The following KCNIP4 variants were observed in gnomAD, a reference collection of about 807,000 sequenced individuals.
KCNIP4 encodes the protein Kv channel-interacting protein 4.
KCNIP4 carries 12 observed loss-of-function variants against 34.0 expected under a neutral mutation model. The observed-to-expected ratio is 0.35, with a 90% CI of 0.23 to 0.57. The LOEUF (loss-of-function observed/expected upper bound fraction) is 0.57, where lower values mean the gene tolerates loss of function less well. KCNIP4 is among the 20% of genes least tolerant of loss of function. The pLI, the probability that KCNIP4 is intolerant of heterozygous loss-of-function variation, is 0.83. For missense variants in KCNIP4, 238 were observed against 311.7 expected, an observed-to-expected ratio of 0.76 and a Z score of 1.78; for synonymous variants, 124 against 102.2, an observed-to-expected ratio of 1.21 and a Z score of -1.29.
intron 1 of KCNIP4, among the ~76,000 whole-genome samples, chr4:21,147,423 T>G (rs1348171584): frequency 1.3e-5 from 2 of 152,192 alleles, no homozygotes; most frequent in South Asian, 2.1e-4. Context: ...ATTTGTGTGA[T>G]CCGTATCTTC....
chr4:21,234,743 G>A (rs1759222236), intron 1 of KCNIP4, among the ~76,000 whole-genome samples: 1 of 151,186 alleles, frequency 6.6e-6, no homozygotes, highest in African/African-American at 2.4e-5. Flanking sequence ...TGCCTCCTGG[G>A]TTCAAGAGAT....
intron 1 of KCNIP4, among the ~76,000 whole-genome samples, chr4:21,904,974 A>G (rs913441298): frequency 2.0e-5 from 3 of 152,164 alleles, no homozygotes; most frequent in African/African-American, 4.8e-5. Flanking sequence ...TTTTCAATAG[A>G]TGTTAGTGAT....
intron 1 of KCNIP4, among the ~76,000 whole-genome samples, chr4:21,416,601 G>A (rs1560384174): frequency 6.6e-6 from 1 of 152,160 alleles, no homozygotes; most frequent in South Asian, 2.1e-4. Flanking sequence ...AGACAGGAAC[G>A]AAAGGAAAAT....
chr4:21,918,985 T>C (rs957891613), intron 1 of KCNIP4, among the ~76,000 whole-genome samples: 2 of 152,040 alleles, frequency 1.3e-5, no homozygotes, highest in African/African-American at 4.8e-5. Context: ...GTAGGGACCA[T>C]GGAGAAATAT....
intron 1 of KCNIP4, among the ~76,000 whole-genome samples, chr4:20,971,367 T>C (rs543792918): frequency 6.6e-6 from 1 of 152,264 alleles, no homozygotes; most frequent in Non-Finnish European, 1.5e-5. Context: ...AAAAGGACAA[T>C]CTATTAAAGA....
chr4:21,834,818 G>T (rs1241215785), intron 1 of KCNIP4, among the ~76,000 whole-genome samples: 15 of 152,132 alleles, frequency 9.9e-5, no homozygotes, highest in African/African-American at 3.1e-4. Flanking sequence ...GTTGAATTTT[G>T]TCAAAGGCCT....
At chr4:21,528,783 GA>G (rs1464890471) in intron 1 of KCNIP4, among the ~76,000 whole-genome samples, 1 of 18,338 alleles carries the variant, frequency 5.5e-5, no homozygotes, top group African/African-American at 2.1e-4. Flanking sequence ...AAGAAAGGAA[GA>G]AAGGAAGAAA....
At chr4:21,899,754 T>G (rs1019169795) in intron 1 of KCNIP4, among the ~76,000 whole-genome samples, 2 of 152,052 alleles carry the variant, frequency 1.3e-5, no homozygotes, top group African/African-American at 2.4e-5. Flanking sequence ...AACTCTACAC[T>G]GAAAACTACA....
At chr4:21,673,262 G>C (rs578038477) in intron 1 of KCNIP4, among the ~76,000 whole-genome samples, 2 of 152,044 alleles carry the variant, frequency 1.3e-5, no homozygotes, top group Non-Finnish European at 2.9e-5. Context: ...ACCCGCCTAC[G>C]GCCACAGTTA....
intron 3 of KCNIP4, among the ~76,000 whole-genome samples, chr4:20,788,219 C>T (rs987288163): frequency 2.6e-5 from 4 of 152,122 alleles, no homozygotes; most frequent in Admixed American, 6.6e-5. Context: ...GAACTCTAAA[C>T]TACAAGACAC....
chr4:21,051,799 A>T, intron 1 of KCNIP4, among the ~76,000 whole-genome samples: 1 of 152,212 alleles, frequency 6.6e-6, no homozygotes, highest in African/African-American at 2.4e-5. Flanking sequence ...GCTTCTGGTT[A>T]AATATCAATA....
chr4:21,309,061 T>G (rs1425945133), intron 1 of KCNIP4, among the ~76,000 whole-genome samples: 1 of 152,140 alleles, frequency 6.6e-6, no homozygotes, highest in African/African-American at 2.4e-5. Flanking sequence ...ATGAACCCAT[T>G]TCTGCTTTGA....
At chr4:21,070,019 C>T (rs1213030680) in intron 1 of KCNIP4, among the ~76,000 whole-genome samples, 4 of 152,166 alleles carry the variant, frequency 2.6e-5, no homozygotes, top group Non-Finnish European at 5.9e-5. Context: ...TGACTCTGGG[C>T]AATCACTAAC....
At chr4:20,794,203 AG>A (rs1713150141) in intron 3 of KCNIP4, among the ~76,000 whole-genome samples, 2 of 152,160 alleles carry the variant, frequency 1.3e-5, no homozygotes, top group South Asian at 4.1e-4. Flanking sequence ...AGCAATGTGA[AG>A]ATGGACTGAT....
chr4:21,184,159 T>A (rs1050960497), intron 1 of KCNIP4, among the ~76,000 whole-genome samples: 6 of 152,122 alleles, frequency 3.9e-5, no homozygotes, highest in African/African-American at 1.4e-4. Context: ...AATTTCCCTA[T>A]GTTTCAATTT....
intron 1 of KCNIP4, among the ~76,000 whole-genome samples, chr4:21,736,854 C>G (rs1716025730): frequency 6.6e-6 from 1 of 152,096 alleles, no homozygotes. Context: ...ATATGAGTGA[C>G]TAATCTTTGA....
intron 1 of KCNIP4, among the ~76,000 whole-genome samples, chr4:21,523,745 T>A (rs537435165): frequency 7.9e-5 from 12 of 152,000 alleles, no homozygotes; most frequent in African/African-American, 2.9e-4. Flanking sequence ...GTAATTTTTT[T>A]ATTAATATTT....
intron 1 of KCNIP4, among the ~76,000 whole-genome samples, chr4:21,260,522 C>T (rs1030420407): frequency 6.6e-6 from 1 of 152,178 alleles, no homozygotes; most frequent in Non-Finnish European, 1.5e-5. Flanking sequence ...TCGGACTCTT[C>T]CAGCGGCCAA....
At chr4:21,765,240 C>T (rs193165675) in intron 1 of KCNIP4, among the ~76,000 whole-genome samples, 14 of 151,596 alleles carry the variant, frequency 9.2e-5, no homozygotes, top group Non-Finnish European at 1.6e-4. Context: ...ACTGCAACCT[C>T]GACCTCCGGG....
Sources: allele counts gnomAD v4.1 joint callset (sites outside exome capture counted in the v4.1 genomes callset), GRCh38; gene constraint gnomAD v4.1.1; transcripts MANE v1.5; gene names NCBI Gene and HGNC (gene_info 2026-07-23, HGNC 2026-07-21).